The following SVEP1 variants were observed in gnomAD, a reference collection of about 807,000 sequenced individuals.
SVEP1 encodes the protein sushi, von Willebrand factor type A, EGF and pentraxin domain-containing protein 1.
Under a neutral mutation model 367.3 loss-of-function variants are expected in SVEP1, and 164 were observed. That is an observed-to-expected ratio of 0.45 (90% confidence interval 0.39 to 0.51). The LOEUF (loss-of-function observed/expected upper bound fraction) is 0.51, where lower values mean the gene tolerates loss of function less well. Among genes scored for constraint, SVEP1 ranks in the 20% least tolerant of loss-of-function variants. The probability of loss-of-function intolerance (pLI) is 0.00; values close to 1 mark genes in which losing one functional copy is unlikely to be tolerated. For missense variants in SVEP1, 4,117 were observed against 4,425.3 expected (o/e 0.93, Z 1.98); for synonymous variants, 1,666 against 1,611.6 (o/e 1.03, Z -0.81).
intron 3 of SVEP1, among the ~76,000 whole-genome samples, chr9:110,522,438 A>C (rs1175204954): frequency 6.6e-6 from 1 of 152,142 alleles, no homozygotes; most frequent in Non-Finnish European, 1.5e-5. Flanking sequence ...TAGATGCTGG[A>C]TTGTGGGATA....
intron 37 of SVEP1, 140 bp from the exon 38 acceptor site, chr9:110,409,091 T>C: frequency 5.0e-6 from 5 of 991,148 alleles, no homozygotes; most frequent in Non-Finnish European, 7.1e-6. Context: ...TGATTTATGG[T>C]TTTTCCAATA....
intron 32 of SVEP1, 25 bp downstream of exon 32, chr9:110,431,889 CT>C (rs779775009): frequency 6.2e-7 from 1 of 1,612,688 alleles, no homozygotes; most frequent in Non-Finnish European, 8.5e-7. Flanking sequence ...GAATTAGGAA[CT>C]TTTAGTTCTA....
chr9:110,548,268 AAT>A (rs1830243866), intron 2 of SVEP1, among the ~76,000 whole-genome samples: 1 of 152,168 alleles, frequency 6.6e-6, no homozygotes, highest in African/African-American at 2.4e-5. Flanking sequence ...TACATATAAT[AAT>A]AGTTTCCATT....
chr9:110,457,840 T>C (rs1290269962), intron 20 of SVEP1, among the ~76,000 whole-genome samples: 1 of 152,178 alleles, frequency 6.6e-6, no homozygotes, highest in African/African-American at 2.4e-5. Flanking sequence ...TGGACTAGGC[T>C]GTAGGAAGTT....
chr9:110,515,871 TA>T (rs1373726995), intron 3 of SVEP1, among the ~76,000 whole-genome samples: 2 of 152,080 alleles, frequency 1.3e-5, no homozygotes, highest in African/African-American at 4.8e-5. Flanking sequence ...ATTAACTTGT[TA>T]ACTTCCTAAT....
chr9:110,535,180 G>C (rs909330618), intron 3 of SVEP1, among the ~76,000 whole-genome samples: 1 of 152,082 alleles, frequency 6.6e-6, no homozygotes, highest in Admixed American at 6.6e-5. Flanking sequence ...AATCCTTCTT[G>C]AGTTGATTTT....
Position 110,411,362 on chromosome 9 carries a change from C to T in SVEP1, c.6349G>A (p.Val2117Ile), listed in dbSNP as rs1828042022. Reference sequence around the variant, plus strand: ...TCAATCTTTGCTGAGGTGTTCAGTACAAAGCCTTCCATGCATTTAAAGCTC... The same window carrying T: ...TCAATCTTTGCTGAGGTGTTCAGTATAAAGCCTTCCATGCATTTAAAGCTC... Reference protein sequence around the residue: ...VVSFKCMEGFVLNTSAKIECM... With the variant: ...VVSFKCMEGFILNTSAKIECM... Residue 2117 changes from valine (V) to isoleucine (I), a missense_variant, in exon 37 of 48, where the codon GTA (valine) becomes ATA (isoleucine). Physicochemically the swap from Val to Ile is conservative, Grantham distance 29. Around this residue, in one of 4 missense-constraint regions of SVEP1, gnomAD observed 2,174 missense variants for 2,494.3 expected, o/e 0.87. Coordinates refer to ENST00000374469, the MANE Select transcript of SVEP1 (RefSeq NM_153366.4). The T allele has an allele frequency of 3.1e-6, 5 of 1,614,034 alleles. No individual in the cohort carries two copies. The highest frequency in any genetic ancestry group is 4.2e-6 in the Non-Finnish European group (5 of 1,179,892).
At chr9:110,403,435 GC>G (rs1199134867) in intron 39 of SVEP1, among the ~76,000 whole-genome samples, 1 of 149,818 alleles carries the variant, frequency 6.7e-6, no homozygotes, top group African/African-American at 2.5e-5. Context: ...CTCCCGAGTA[GC>G]TGGGACTATA....
chr9:110,530,111 G>T (rs114041530), intron 3 of SVEP1, among the ~76,000 whole-genome samples: 3,139 of 152,214 alleles, frequency 0.021, 89 homozygotes, highest in African/African-American at 0.054. Context: ...CTATTGAGAT[G>T]ATCACGTGGT....
chr9:110,413,419 T>G (rs1202619398), intron 36 of SVEP1, among the ~76,000 whole-genome samples: 2 of 145,166 alleles, frequency 1.4e-5, no homozygotes, highest in Non-Finnish European at 3.0e-5. Flanking sequence ...GAGGGATAGC[T>G]TTGGGAGATA....
intron 35 of SVEP1, among the ~76,000 whole-genome samples, chr9:110,428,376 TTC>T (rs1260592483): frequency 1.4e-5 from 2 of 138,456 alleles, no homozygotes; most frequent in African/African-American, 2.6e-5. Flanking sequence ...CAGTCTGACT[TTC>T]TCCACTGTCC....
intron 14 of SVEP1, among the ~76,000 whole-genome samples, chr9:110,472,643 A>T (rs1829038567): frequency 6.6e-6 from 1 of 152,196 alleles, no homozygotes; most frequent in Non-Finnish European, 1.5e-5. Flanking sequence ...GGTAAATAAG[A>T]GCTGGGTGCA....
intron 27 of SVEP1, among the ~76,000 whole-genome samples, chr9:110,440,036 C>T (rs190662991): frequency 3.3e-5 from 5 of 152,228 alleles, no homozygotes; most frequent in Admixed American, 3.3e-4. Flanking sequence ...TGTAATCGCA[C>T]CACTTAGAGA....
At chr9:110,571,854 T>C (rs1468820181) in intron 1 of SVEP1, among the ~76,000 whole-genome samples, 2 of 152,220 alleles carry the variant, frequency 1.3e-5, no homozygotes, top group African/African-American at 4.8e-5. Context: ...TACAATTTGC[T>C]AAGAGTAAGC....
rs1456067719 is a variant in SVEP1, at chr9:110,431,923, T to C, written c.5345A>G (p.Asn1782Ser). The C allele has an allele frequency of 6.2e-7, 1 of 1,613,482 alleles. No homozygotes were observed. Among genetic ancestry groups the C allele is most frequent in the South Asian group, 1.1e-5 (1 of 91,066 alleles). Residue 1782 changes from asparagine to serine, a missense_variant, in exon 32 of 48, where the codon AAC (asparagine) becomes AGC (serine). Around this residue, in one of 4 missense-constraint regions of SVEP1, gnomAD observed 2,174 missense variants for 2,494.3 expected, o/e 0.87. Transcript: ENST00000374469. Reference sequence around the variant, plus strand: ...CTACATATATTGGTTACCTGCACAGTTTTTCCCATCTCCTGTGTACGGTGG... The same window carrying C: ...CTACATATATTGGTTACCTGCACAGCTTTTCCCATCTCCTGTGTACGGTGG... ...CVPPYTGDGK[N>S]CAEPIKCKAP...
Position 110,407,177 on chromosome 9 carries a change from T to A in SVEP1, c.8423A>T (p.Asn2808Ile). The change falls in exon 38 of 48, where the codon AAT becomes ATT. Residue 2808 changes from asparagine (N) to isoleucine (I), a missense_variant. Around this residue, in one of 4 missense-constraint regions of SVEP1, gnomAD observed 1,765 missense variants for 1,781.1 expected, o/e 0.99. Coordinates refer to ENST00000374469, the MANE Select transcript of SVEP1 (RefSeq NM_153366.4). ...YYECDPGYVLNGTERRTCQDD... is the reference protein window; with the variant it reads ...YYECDPGYVLIGTERRTCQDD... ...CTGGCATGTTCTCCTCTCAGTGCCA[T>A]TCAGCACATATCCGGGGTCACACTC... 6.2e-7 allele frequency: 1 copy of A among 1,614,012 alleles called. No individual in the cohort carries two copies. The highest frequency in any genetic ancestry group is 1.3e-5 in the African/African-American group (1 of 75,036).
intron 33 of SVEP1, 103 bp from the exon 34 acceptor site, chr9:110,430,107 C>CT (rs11331398): frequency 0.032 from 30,431 of 948,540 alleles, 3 homozygotes; most frequent in East Asian, 0.035. Context: ...TGTTTGTTTT[C>CT]TTTTTTTTTT....
Position 110,430,311 on chromosome 9 carries a change from C to A in SVEP1, c.5493G>T (p.Glu1831Asp). The A allele has an allele frequency of 6.2e-7, 1 of 1,613,386 alleles. No homozygotes were observed. The highest frequency in any genetic ancestry group is 8.5e-7 in the Non-Finnish European group (1 of 1,179,660). ...GTATTAGATGATTCCATTCTCCAGA[C>A]TCCAAACATGTGATTTTGGTTACTC... ...LMGVTKITCL[E>D]SGEWNHLIPY... The change falls in exon 33 of 48, where the codon GAG (glutamate) becomes GAT (aspartate). Residue 1831 changes from glutamate (E) to aspartate (D), a missense_variant. By Grantham distance (45) the Glu-to-Asp change is conservative. Around this residue, in one of 4 missense-constraint regions of SVEP1, gnomAD observed 2,174 missense variants for 2,494.3 expected, o/e 0.87. Transcript: ENST00000374469.
chr9:110,387,386 T>C lies in SVEP1; in HGVS notation c.9959A>G (p.Asn3320Ser), dbSNP rs367929442. Residue 3320 changes from asparagine (N) to serine (S), a missense_variant, in exon 42 of 48, where the codon AAC becomes AGC. Physicochemically the swap from Asn to Ser is conservative, Grantham distance 46. Coordinates refer to ENST00000374469, the MANE Select transcript of SVEP1 (RefSeq NM_153366.4). ...GCCTCTGTTGCAGGAATATACCACG[T>C]TGGGTCCAGTCGTCCTGTTTTCAAT... ...ADIENRTTGP[N>S]VVYSCNRGYS... is the part of the protein sequence containing the mutation. 6 of 1,613,580 alleles carry C rather than the reference T, an allele frequency of 3.7e-6. No homozygotes were observed. The African/African-American group carries it at 5.3e-5, about 14-fold the overall frequency.
Sources: allele counts gnomAD v4.1 joint callset (sites outside exome capture counted in the v4.1 genomes callset), GRCh38; gene constraint gnomAD v4.1.1; regional missense constraint gnomAD v4.1.1; transcripts MANE v1.5; gene names NCBI Gene and HGNC (gene_info 2026-07-23, HGNC 2026-07-21).